Variants in ATP2B2 observed in about 807,000 individuals in gnomAD.
The protein encoded by ATP2B2 is ATPase plasma membrane Ca2+ transporting 2, also known as plasma membrane calcium-transporting ATPase 2.
In ATP2B2, 15 loss-of-function variants were observed where a neutral mutation model predicts 120.0. The ratio of observed to expected loss-of-function variants is 0.12; its 90% confidence interval spans 0.08 to 0.19. The LOEUF is 0.19. Ranked by LOEUF, ATP2B2 falls within the 10% of genes least tolerant of loss-of-function variation. The pLI is 1.00. For missense variants in ATP2B2, 1,045 were observed against 1,719.8 expected, an observed-to-expected ratio of 0.61 and a Z score of 6.94; for synonymous variants, 694 against 700.3, an observed-to-expected ratio of 0.99 and a Z score of 0.14.
At chr3:10,533,284 G>T (rs776215289) in intron 3 of ATP2B2, among the ~76,000 whole-genome samples, 1 of 152,202 alleles carries the variant, frequency 6.6e-6, no homozygotes, top group Non-Finnish European at 1.5e-5. Flanking sequence ...TGGCCTCAGA[G>T]AGATGGCTGC....
intron 18 of ATP2B2, 52 bp downstream of exon 18, chr3:10,345,332 T>G: frequency 2.5e-6 from 4 of 1,598,824 alleles, no homozygotes; most frequent in Non-Finnish European, 3.4e-6. Flanking sequence ...CGAGCCTCTG[T>G]GGGGGGTCTC....
chr3:10,707,688 G>GCCCGCCCCGC (rs2071918096), intron 1 of ATP2B2, among the ~76,000 whole-genome samples: 1 of 151,836 alleles, frequency 6.6e-6, no homozygotes, highest in Non-Finnish European at 1.5e-5. Flanking sequence ...GCCCACCCCG[G>GCCCGCCCCGC]CCCGCCCCGC....
intron 1 of ATP2B2, among the ~76,000 whole-genome samples, chr3:10,646,752 A>G (rs2070331024): frequency 6.6e-6 from 1 of 152,122 alleles, no homozygotes; most frequent in Non-Finnish European, 1.5e-5. Flanking sequence ...CTAGAGAAAA[A>G]CCAACAACAA....
chr3:10,704,636 T>C (rs143778290), intron 1 of ATP2B2, among the ~76,000 whole-genome samples: 3,644 of 152,290 alleles, frequency 0.024, 58 homozygotes, highest in Non-Finnish European at 0.037. Context: ...GATTTTTCAA[T>C]CCCAAGGCCC....
intron 1 of ATP2B2, among the ~76,000 whole-genome samples, chr3:10,686,044 T>C (rs1293400139): frequency 2.3e-4 from 2 of 8,828 alleles, no homozygotes; most frequent in East Asian, 1.8e-3. Context: ...TCCTCCTTTC[T>C]TTTTTTTTTT....
intron 2 of ATP2B2, among the ~76,000 whole-genome samples, chr3:10,423,791 G>C (rs1260549809): frequency 6.6e-6 from 1 of 152,200 alleles, no homozygotes; most frequent in Non-Finnish European, 1.5e-5. Context: ...GAGAGCTTCT[G>C]CACGTGGTGC....
At chr3:10,649,567 C>G (rs2070400406) in intron 1 of ATP2B2, among the ~76,000 whole-genome samples, 1 of 152,144 alleles carries the variant, frequency 6.6e-6, no homozygotes, top group African/African-American at 2.4e-5. Flanking sequence ...TAGTTAACTC[C>G]CATTCTCTCT....
intron 1 of ATP2B2, among the ~76,000 whole-genome samples, chr3:10,482,564 C>T (rs749691463): frequency 1.3e-5 from 2 of 152,182 alleles, no homozygotes; most frequent in African/African-American, 2.4e-5. Context: ...GGTCAAGCTG[C>T]CCCAAGGCTG....
At chr3:10,455,202 G>A (rs563877356) in intron 1 of ATP2B2, among the ~76,000 whole-genome samples, 48 of 152,276 alleles carry the variant, frequency 3.2e-4, no homozygotes, top group African/African-American at 1.1e-3. Flanking sequence ...TTTCTGGGGG[G>A]TCAGGAAAGA....
rs190055685 is a variant in ATP2B2, at chr3:10,343,318, G to T, written c.2704-353C>A. On this transcript the variant is annotated intron_variant, in intron 18 of 22. Transcript: ENST00000360273. This position sits in a 1 kb window ranked among gnomAD's most constrained non-coding sequence, Gnocchi z 4.2. ...GGCTGAGGCCAAGACCATTCCCACCGCCTCCGGCATGGGCTCCTACCTCCT... is the reference window on the plus strand; with the variant it reads ...GGCTGAGGCCAAGACCATTCCCACCTCCTCCGGCATGGGCTCCTACCTCCT... 1.3e-3 allele frequency among the ~76,000 whole-genome samples: 197 copies of T among 150,274 alleles called. 1 individual carries two copies. The highest frequency in any genetic ancestry group is 2.4e-3 in the Non-Finnish European group (163 of 67,714).
At chr3:10,504,088 A>G (rs1178057343) in intron 1 of ATP2B2, among the ~76,000 whole-genome samples, 1 of 152,198 alleles carries the variant, frequency 6.6e-6, no homozygotes, top group Non-Finnish European at 1.5e-5. Flanking sequence ...ATTTGTGGGC[A>G]TGCATATGCC....
chr3:10,450,090 C>G (rs1475511714), intron 1 of ATP2B2, among the ~76,000 whole-genome samples: 2 of 152,162 alleles, frequency 1.3e-5, no homozygotes, highest in Non-Finnish European at 2.9e-5. Context: ...CTCTAACTCC[C>G]TATTTGTGTG....
rs1022312419 is a variant in ATP2B2, at chr3:10,340,386, G to A, written c.3130-37C>T. 1 of 1,612,876 alleles carries A rather than the reference G, an allele frequency of 6.2e-7. No homozygotes were observed. The highest frequency in any genetic ancestry group is 1.1e-5 in the South Asian group (1 of 91,022). The stretch of plus-strand genomic sequence containing the variant: ...AGGGGAGCAGAGAAAGAGAGAGAGA[G>A]AGGCCATCAGGGACCAGCACAGAGG... On this transcript the variant is annotated intron_variant, in intron 20 of 22. Transcript: ENST00000360273. The surrounding 1 kb of genome is among the most constrained non-coding windows in gnomAD (Gnocchi z 5.0).
intron 1 of ATP2B2, among the ~76,000 whole-genome samples, chr3:10,703,084 G>T (rs373308136): frequency 3.0e-4 from 46 of 152,280 alleles, no homozygotes; most frequent in Middle Eastern, 3.4e-3. Flanking sequence ...GCTTTAGCAC[G>T]AACATCCCCA....
At chr3:10,487,239 TGC>T (rs1018979644) in intron 1 of ATP2B2, among the ~76,000 whole-genome samples, 15 of 152,164 alleles carry the variant, frequency 9.9e-5, no homozygotes, top group African/African-American at 3.4e-4. Context: ...AGCATGTGTG[TGC>T]GCACACACAC....
intron 2 of ATP2B2, among the ~76,000 whole-genome samples, chr3:10,434,653 G>C (rs996140412): frequency 2.0e-5 from 3 of 152,254 alleles, no homozygotes; most frequent in Non-Finnish European, 1.5e-5. Context: ...GTGAGCAGAG[G>C]AGCCAATGCT....
At chr3:10,463,270 C>A (rs1274664219) in intron 1 of ATP2B2, among the ~76,000 whole-genome samples, 4 of 152,170 alleles carry the variant, frequency 2.6e-5, no homozygotes, top group African/African-American at 7.2e-5. Flanking sequence ...GGAACAGGGC[C>A]TCTCCAGTCC....
chr3:10,461,755 TG>T (rs1368955850), intron 1 of ATP2B2, among the ~76,000 whole-genome samples: 2 of 152,156 alleles, frequency 1.3e-5, no homozygotes, highest in Non-Finnish European at 2.9e-5. Context: ...CACACTTTCC[TG>T]GTTTTGGGTT....
chr3:10,571,357 G>A (rs752705751), intron 2 of ATP2B2, among the ~76,000 whole-genome samples: 15 of 152,224 alleles, frequency 9.9e-5, no homozygotes, highest in Non-Finnish European at 1.2e-4. Context: ...TAGGTGACTC[G>A]TGGCCTCACG....
Sources: gnomAD v4.1 joint callset for allele counts (sites outside exome capture counted in the v4.1 genomes callset) on GRCh38, gnomAD v4.1.1 for gene constraint, Gnocchi (gnomAD v3.1) non-coding constraint, MANE v1.5 for transcripts, NCBI Gene and HGNC (gene_info 2026-07-23, HGNC 2026-07-21) for gene names.